TMCO5A: variants seen among roughly 807,000 people sequenced by gnomAD.
TMCO5A encodes the protein transmembrane and coiled-coil domain-containing protein 5A.
In TMCO5A, 34 loss-of-function variants were observed where a neutral mutation model predicts 42.3. The observed-to-expected ratio is 0.80, with a 90% CI of 0.61 to 1.07. TMCO5A has a LOEUF of 1.07. Ranked by LOEUF, TMCO5A falls within the 50% of genes least tolerant of loss-of-function variation. The pLI is 0.00. For missense variants in TMCO5A, 357 were observed against 327.9 expected, an observed-to-expected ratio of 1.09 and a Z score of -0.69; for synonymous variants, 131 against 115.6, an observed-to-expected ratio of 1.13 and a Z score of -0.86.
chr15:37,953,659 A>G (rs545685520), downstream of TMCO5A, among the ~76,000 whole-genome samples: 2 of 152,192 alleles, frequency 1.3e-5, no homozygotes, highest in African/African-American at 4.8e-5. Context: ...ATGCCCCAGC[A>G]CCAAACATCT....
In TMCO5A at chr15:37,956,612, C is replaced by CAA. The variant is rs137926440; in HGVS notation, c.668+8921_668+8922dup. ...AGACAGCAATTAATAGCATACCAAC[C>CAA]AAAAAAGTCCAGGACCAGATGGATT... is the stretch of plus-strand genomic sequence containing the variant. On this transcript the variant is annotated intron_variant, in intron 11 of 11. Transcript: ENST00000559502. 6.9e-3 allele frequency: 1,143 copies of CAA among 165,240 alleles called. 21 individuals are homozygous for CAA. Among genetic ancestry groups the CAA allele is most frequent in the African/African-American group, 0.026 (1,079 of 41,692 alleles). The allele number at this position is 165,240 out of a possible 1,614,324, so 10.2% of individuals were successfully genotyped here. A position where few individuals can be genotyped will look rare whatever the true frequency, so the allele number is the denominator to read the frequency against.
downstream of TMCO5A, among the ~76,000 whole-genome samples, chr15:37,969,825 C>G (rs561402692): frequency 2.4e-4 from 37 of 152,256 alleles, no homozygotes; most frequent in Non-Finnish European, 4.1e-4. Flanking sequence ...TGATAATGGC[C>G]TCAAACTCCA....
At chr15:38,028,034 AT>A in the TMCO5A span, among the ~76,000 whole-genome samples, 2 of 152,184 alleles carry the variant, frequency 1.3e-5, no homozygotes, top group African/African-American at 4.8e-5. Flanking sequence ...TGTCTTGCAT[AT>A]AATAGGTACT....
chr15:38,030,607 A>C, the TMCO5A span, among the ~76,000 whole-genome samples: 1 of 152,128 alleles, frequency 6.6e-6, no homozygotes, highest in East Asian at 1.9e-4. Context: ...AATAAACTTC[A>C]AACTCCTTAG....
the TMCO5A span, among the ~76,000 whole-genome samples, chr15:38,016,355 C>T: frequency 2.6e-5 from 4 of 152,126 alleles, no homozygotes; most frequent in Admixed American, 6.6e-5. Flanking sequence ...TATGAGCAAT[C>T]GAAAACCTGT....
the TMCO5A span, among the ~76,000 whole-genome samples, chr15:38,029,246 G>A: frequency 6.6e-6 from 1 of 152,030 alleles, no homozygotes; most frequent in African/African-American, 2.4e-5. Context: ...CCGGTTGGGT[G>A]TCATTTAGGG....
intron 11 of TMCO5A, among the ~76,000 whole-genome samples, chr15:37,959,818 T>G (rs940492417): frequency 6.6e-6 from 1 of 151,902 alleles, no homozygotes; most frequent in African/African-American, 2.4e-5. Context: ...GTACTGGACA[T>G]CCTAGCTAGA....
the TMCO5A span, among the ~76,000 whole-genome samples, chr15:37,998,638 T>C: frequency 3.9e-4 from 60 of 152,294 alleles, no homozygotes; most frequent in African/African-American, 1.4e-3. Context: ...ATGAAGTTCC[T>C]CCAGTTTTGT....
the TMCO5A span, among the ~76,000 whole-genome samples, chr15:38,013,684 C>T: frequency 6.6e-6 from 1 of 152,202 alleles, no homozygotes; most frequent in Non-Finnish European, 1.5e-5. Context: ...CACTCTATTA[C>T]TTCAACATGT....
chr15:37,993,870 T>G, the TMCO5A span, among the ~76,000 whole-genome samples: 58 of 152,232 alleles, frequency 3.8e-4, 1 homozygote, highest in South Asian at 6.2e-3. Context: ...GCTGCTACTC[T>G]GCTAAAAGCT....
the TMCO5A span, among the ~76,000 whole-genome samples, chr15:38,003,718 T>C: frequency 2.0e-5 from 3 of 151,994 alleles, no homozygotes; most frequent in South Asian, 4.2e-4. Context: ...GCTACCACCA[T>C]GTTCACTCAA....
chr15:37,940,831 T>A (rs1270115563), intron 6 of TMCO5A, among the ~76,000 whole-genome samples: 1 of 152,086 alleles, frequency 6.6e-6, no homozygotes, highest in Non-Finnish European at 1.5e-5. Flanking sequence ...CTGACTATAT[T>A]AAAAGGAAAA....
At chr15:38,014,527 A>G in the TMCO5A span, among the ~76,000 whole-genome samples, 2 of 152,104 alleles carry the variant, frequency 1.3e-5, no homozygotes, top group Non-Finnish European at 2.9e-5. Flanking sequence ...CCTGCAAACC[A>G]TTAGGTATAC....
At chr15:37,958,458 A>G (rs1890345451) in intron 11 of TMCO5A, among the ~76,000 whole-genome samples, 1 of 152,262 alleles carries the variant, frequency 6.6e-6, no homozygotes, top group African/African-American at 2.4e-5. Flanking sequence ...TTCCAAAAGA[A>G]GACATTTATG....
At chr15:38,033,816 G>A in the TMCO5A span, among the ~76,000 whole-genome samples, 2 of 152,018 alleles carry the variant, frequency 1.3e-5, no homozygotes, top group East Asian at 1.9e-4. Flanking sequence ...GTTTCACCAT[G>A]TTAGCCAGGC....
the TMCO5A span, among the ~76,000 whole-genome samples, chr15:38,021,766 A>G: frequency 6.6e-6 from 1 of 151,996 alleles, no homozygotes; most frequent in African/African-American, 2.4e-5. Flanking sequence ...TTTTAATTCA[A>G]TGTAGCAAAA....
chr15:38,023,188 C>T, the TMCO5A span, among the ~76,000 whole-genome samples: 13 of 151,986 alleles, frequency 8.6e-5, no homozygotes, highest in East Asian at 1.9e-4. Flanking sequence ...CAAAAATAGA[C>T]AAATTGATCA....
chr15:37,940,426 T>A (rs551382514), intron 6 of TMCO5A, among the ~76,000 whole-genome samples: 21 of 152,276 alleles, frequency 1.4e-4, no homozygotes, highest in African/African-American at 5.1e-4. Flanking sequence ...TTCTTCCAAA[T>A]CTCCATTTAG....
At chr15:37,983,360 G>C in the TMCO5A span, among the ~76,000 whole-genome samples, 505 of 152,170 alleles carry the variant, frequency 3.3e-3, 2 homozygotes, top group Non-Finnish European at 5.6e-3. Context: ...CCTAGGTTCT[G>C]AGTTGAAAAA....
Sources: gnomAD v4.1 joint callset for allele counts (sites outside exome capture counted in the v4.1 genomes callset) on GRCh38, gnomAD v4.1.1 for gene constraint, MANE v1.5 for transcripts, NCBI Gene and HGNC (gene_info 2026-07-23, HGNC 2026-07-21) for gene names.